CCDC121: variants seen among roughly 807,000 people sequenced by gnomAD.
CCDC121 encodes the protein coiled-coil domain containing 121, also known as coiled-coil domain-containing protein 121.
For missense variants in CCDC121, 238 were observed against 304.1 expected, an observed-to-expected ratio of 0.78 and a Z score of 1.62; for synonymous variants, 108 against 120.0, an observed-to-expected ratio of 0.90 and a Z score of 0.65.
At chr2:27,628,320 C>A (rs1673367731) in intron 1 of CCDC121, 2 of 1,375,802 alleles carry the variant, frequency 1.5e-6, no homozygotes, top group East Asian at 5.0e-5. Context: ...TAGGCTCTTT[C>A]ATCATCTTTC....
In CCDC121 at chr2:27,627,600, T is replaced by C; in HGVS notation, c.200A>G (p.Glu67Gly). The change falls in exon 2 of 2, where the codon GAG (glutamate) becomes GGG (glycine). Residue 67 changes from glutamate (E) to glycine (G), a missense_variant. Transcript: ENST00000324364. The stretch of plus-strand genomic sequence containing the variant: ...TGATTCTTGTCTTCTTCGTTCAATC[T>C]CTCCACTTTTTTGTAAATAGCTGTT... Reference protein sequence around the residue: ...VWNSYLQKSGEIERRRQESAS... With the variant: ...VWNSYLQKSGGIERRRQESAS... The C allele has an allele frequency of 6.2e-7, 1 of 1,614,164 alleles. No individual in the cohort carries two copies.
intron 1 of CCDC121, 199 bp from the exon 2 acceptor site, chr2:27,628,116 T>G (rs1673356002): frequency 3.2e-6 from 2 of 623,400 alleles, no homozygotes; most frequent in Middle Eastern, 4.1e-4. Flanking sequence ...ACTACAACCC[T>G]GGGAGGTATT....
In CCDC121 at chr2:27,626,671, T is replaced by C. The variant is rs1673286789; in HGVS notation, c.*292A>G. ...TTTTCACTTCCTTAGGTTGGTTTCC[T>C]TTAGCTAGTTTGATGTATGGTAAAT... On this transcript the variant is annotated 3_prime_UTR_variant, in exon 2 of 2. Transcript: ENST00000324364. 3.5e-6 allele frequency: 1 copy of C among 286,784 alleles called. No homozygotes were observed. The highest frequency in any genetic ancestry group is 6.5e-6 in the Non-Finnish European group (1 of 154,402). The allele number at this position is 286,784 out of a possible 1,614,324, so 17.8% of individuals were successfully genotyped here.
rs1327050799 is a variant in CCDC121 at position 27,626,049 on chromosome 2, C to T, written c.*914G>A. The T allele has an allele frequency of 6.6e-6, 1 of 152,114 alleles. No homozygotes were observed. Among genetic ancestry groups the T allele is most frequent in the Non-Finnish European group, 1.5e-5 (1 of 67,990 alleles). 9.4% of individuals were successfully genotyped at this position (152,114 alleles called of 1,614,324 possible). On this transcript the variant is annotated 3_prime_UTR_variant, in exon 2 of 2. Transcript: ENST00000324364. ...ACTAAATGGGAATAAACATATGGCA[C>T]ACATTAATTACAAAGGATACTTCAT...
rs999437351 is a variant in CCDC121 at position 27,625,816 on chromosome 2, T to C, written c.*1147A>G. ...AAAGCAGAAAATGCAGGAAAATTAT[T>C]TTGAAGTTTTTCATCACTTAACAAT... On this transcript the variant is annotated 3_prime_UTR_variant, in exon 2 of 2. Transcript: ENST00000324364. 5.6e-4 allele frequency: 86 copies of C among 152,426 alleles called. No individual in the cohort carries two copies. Among genetic ancestry groups the C allele is most frequent in the African/African-American group, 1.8e-3 (73 of 41,568 alleles). 9.4% of individuals were successfully genotyped at this position (152,426 alleles called of 1,614,324 possible). A position where few individuals can be genotyped will look rare whatever the true frequency, so the allele number is the denominator to read the frequency against.
intron 1 of CCDC121, chr2:27,628,693 C>A: frequency 6.4e-7 from 1 of 1,551,718 alleles, no homozygotes; most frequent in Non-Finnish European, 8.7e-7. Flanking sequence ...GCTCCCCGTT[C>A]TCTGTGGGCT....
At chr2:27,628,402 T>TC (rs1673373581) in intron 1 of CCDC121, 2 of 1,551,042 alleles carry the variant, frequency 1.3e-6, no homozygotes, top group African/African-American at 2.7e-5. Context: ...GCACCTGGAA[T>TC]CCAAGCATTC....
At position 27,627,759 on chromosome 2, in the gene CCDC121, T is replaced by G; in HGVS notation, c.41A>C (p.Gln14Pro). The stretch of plus-strand genomic sequence containing the variant: ...GGATTCCTCCAGTAGCTGTTTCCGC[T>G]GGGTTTGAGCTTGTTTTATATGCTT... ...LNKHIKQAQT[Q>P]RKQLLEESRE... Residue 14 changes from glutamine (Q) to proline (P), a missense_variant, in exon 2 of 2, where the codon CAG (glutamine) becomes CCG (proline). Physicochemically the swap from Gln to Pro is moderately conservative, Grantham distance 76. Transcript: ENST00000324364. The G allele has an allele frequency of 6.2e-7, 1 of 1,614,164 alleles. No individual in the cohort carries two copies. Among genetic ancestry groups the G allele is most frequent in the Middle Eastern group, 1.7e-4 (1 of 6,056 alleles).
chr2:27,628,981 T>A lies in CCDC121; in HGVS notation c.-150A>T. ...CTTTCTGACGCTGTGGTGGTTTTCG[T>A]TCGCAGCCCAGAACATTGCGGAAGT... On this transcript the variant is annotated 5_prime_UTR_variant, in exon 1 of 2. Coordinates refer to ENST00000324364, the MANE Select transcript of CCDC121 (RefSeq NM_024584.5). 1.3e-6 allele frequency: 2 copies of A among 1,587,848 alleles called. No individual in the cohort carries two copies. Among genetic ancestry groups the A allele is most frequent in the South Asian group, 1.1e-5 (1 of 88,296 alleles).
At chr2:27,628,546 C>G (rs975168928) in intron 1 of CCDC121, 1 of 1,551,378 alleles carries the variant, frequency 6.4e-7, no homozygotes, top group African/African-American at 1.4e-5. Flanking sequence ...TTTATTCGTT[C>G]GGTGCTCAAA....
Position 27,626,693 on chromosome 2 carries a change from A to G in CCDC121, c.*270T>C. ...TCCTTTAGCTAGTTTGATGTATGGT[A>G]AATGGCTAGGTTAGGGTCATGTGTT... On this transcript the variant is annotated 3_prime_UTR_variant, in exon 2 of 2. Transcript: ENST00000324364. The G allele has an allele frequency of 3.0e-6, 1 of 329,550 alleles. No individual in the cohort carries two copies. The highest frequency in any genetic ancestry group is 5.5e-6 in the Non-Finnish European group (1 of 181,222). The allele number at this position is 329,550 out of a possible 1,614,324, so 20.4% of individuals were successfully genotyped here.
In CCDC121 at chr2:27,627,238, T is replaced by G. The variant is rs1673310528; in HGVS notation, c.562A>C (p.Ile188Leu). The stretch of plus-strand genomic sequence containing the variant: ...TTGATGCCACAGGAGTATTCAAAAA[T>G]AAACCGCTTTGCTGCCAACTTCAAG... ...QALKLAAKRF[I>L]FEYSCGINRE... The change falls in exon 2 of 2, where the codon ATT becomes CTT. Residue 188 changes from isoleucine (I) to leucine (L), a missense_variant. Ile to Leu is a conservative substitution (Grantham distance 5). Transcript: ENST00000324364. The G allele has an allele frequency of 6.2e-7, 1 of 1,614,018 alleles. No homozygotes were observed.
In CCDC121 at chr2:27,625,865, A is replaced by G. The variant is rs1673266404; in HGVS notation, c.*1098T>C. On this transcript the variant is annotated 3_prime_UTR_variant, in exon 2 of 2. Transcript: ENST00000324364. ...ATTTCTGGGAAACAAAGTTCATCCT[A>G]TTTTCCCATAGAGGACCCCTGTTAA... 1 of 152,248 alleles carries G rather than the reference A, an allele frequency of 6.6e-6. No individual in the cohort carries two copies. The highest frequency in any genetic ancestry group is 2.1e-4 in the South Asian group (1 of 4,822). 9.4% of individuals were successfully genotyped at this position (152,248 alleles called of 1,614,324 possible).
In CCDC121 at chr2:27,627,824, C is replaced by T. The variant is rs746236678; in HGVS notation, c.-25G>A. On this transcript the variant is annotated 5_prime_UTR_variant, in exon 2 of 2. Transcript: ENST00000324364. ...TTTCCGCCACTATCTTTTCTTTAAGCCTTGTCTCTACCTTTGTTAGCTTCT... is the reference window on the plus strand; with the variant it reads ...TTTCCGCCACTATCTTTTCTTTAAGTCTTGTCTCTACCTTTGTTAGCTTCT... 6.2e-7 allele frequency: 1 copy of T among 1,614,042 alleles called. No homozygotes were observed. The highest frequency in any genetic ancestry group is 1.1e-5 in the South Asian group (1 of 91,068).
At position 27,626,929 on chromosome 2, in the gene CCDC121, T is replaced by G. The variant is rs2148056057; in HGVS notation, c.*34A>C. The stretch of plus-strand genomic sequence containing the variant: ...TAATGTAGCACTTAAGAGTACTTGC[T>G]CCAGTTCTTATTTAATCAGTGTTAT... On this transcript the variant is annotated 3_prime_UTR_variant, in exon 2 of 2. Transcript: ENST00000324364. 1 of 1,468,644 alleles carries G rather than the reference T, an allele frequency of 6.8e-7. No individual in the cohort carries two copies. The allele number at this position is 1,468,644 out of a possible 1,614,324, so 91.0% of individuals were successfully genotyped here. A position where few individuals can be genotyped will look rare whatever the true frequency, so the allele number is the denominator to read the frequency against.
chr2:27,628,622 TG>T, intron 1 of CCDC121: 1 of 1,551,532 alleles, frequency 6.4e-7, no homozygotes, highest in Non-Finnish European at 8.7e-7. Context: ...GGTCCAGCCC[TG>T]AACTGTTTAA....
rs1558482304 is a variant in CCDC121 at position 27,627,159 on chromosome 2, T to C, written c.641A>G (p.Gln214Arg). The change falls in exon 2 of 2, where the codon CAG becomes CGG. Residue 214 changes from glutamine to arginine, a missense_variant. Transcript: ENST00000324364. ...GTGGCTTTGAGTAGCCGTTAGTTTC[T>C]GGGCTTGCTCAATTAGCTGCAGTAA... ...KELLQLIEQA[Q>R]KLTATQSHLE... 1 of 1,614,050 alleles carries C rather than the reference T, an allele frequency of 6.2e-7. No individual in the cohort carries two copies. Among genetic ancestry groups the C allele is most frequent in the Non-Finnish European group, 8.5e-7 (1 of 1,179,890 alleles).
chr2:27,628,974 G>T lies in CCDC121; in HGVS notation c.-143C>A. ...CCCGCTCCTTTCTGACGCTGTGGTG[G>T]TTTTCGTTCGCAGCCCAGAACATTG... On this transcript the variant is annotated 5_prime_UTR_variant, in exon 1 of 2. Coordinates refer to ENST00000324364, the MANE Select transcript of CCDC121 (RefSeq NM_024584.5). 6.3e-7 allele frequency: 1 copy of T among 1,585,114 alleles called. No individual in the cohort carries two copies. The highest frequency in any genetic ancestry group is 8.6e-7 in the Non-Finnish European group (1 of 1,165,264).
At position 27,627,796 on chromosome 2, in the gene CCDC121, T is replaced by C; in HGVS notation, c.4A>G (p.Thr2Ala). The change falls in exon 2 of 2, where the codon ACG (threonine) becomes GCG (alanine). Residue 2 changes from threonine to alanine, a missense_variant. Thr to Ala is a moderately conservative substitution (Grantham distance 58). Coordinates refer to ENST00000324364, the MANE Select transcript of CCDC121 (RefSeq NM_024584.5). ...TGTTTTATATGCTTGTTCAGATCCG[T>C]CATTTCCGCCACTATCTTTTCTTTA... is the stretch of plus-strand genomic sequence containing the variant. M[T>A]DLNKHIKQAQ... The C allele has an allele frequency of 2.5e-6, 4 of 1,614,132 alleles. No individual in the cohort carries two copies. Among genetic ancestry groups the C allele is most frequent in the Non-Finnish European group, 3.4e-6 (4 of 1,180,016 alleles).
Sources: allele counts gnomAD v4.1 joint callset, GRCh38; gene constraint gnomAD v4.1.1; transcripts MANE v1.5; gene names NCBI Gene and HGNC (gene_info 2026-07-23, HGNC 2026-07-21).